Variants in ZBTB25 observed in about 807,000 individuals in gnomAD.
ZBTB25 encodes the protein zinc finger and BTB domain containing 25.
A neutral mutation model predicts 34.2 loss-of-function variants in ZBTB25; 20 were observed. That is an observed-to-expected ratio of 0.58 (90% confidence interval 0.41 to 0.85). The LOEUF is 0.85. ZBTB25 is among the 40% of genes least tolerant of loss of function. The probability of loss-of-function intolerance (pLI) is 0.00; values close to 1 mark genes in which losing one functional copy is unlikely to be tolerated. For synonymous variants in ZBTB25, 175 were observed against 186.4 expected (o/e 0.94, Z 0.50); for missense variants, 437 against 521.8 (o/e 0.84, Z 1.58).
chr14:64,457,429 G>A (rs548755567), intron 2 of ZBTB25, among the ~76,000 whole-genome samples: 1 of 152,020 alleles, frequency 6.6e-6, no homozygotes, highest in South Asian at 2.1e-4. Context: ...GTTTGCAGAA[G>A]GACATGAGGA....
intron 2 of ZBTB25, chr14:64,468,908 C>T: frequency 6.2e-7 from 1 of 1,614,162 alleles, no homozygotes; most frequent in Non-Finnish European, 8.5e-7. Context: ...ATTGAATGAT[C>T]AGGCAACAAA....
At position 64,485,012 on chromosome 14, in the gene ZBTB25, C is replaced by G; in HGVS notation, c.*1911G>C. On this transcript the variant is annotated 3_prime_UTR_variant, in exon 3 of 3. Transcript: ENST00000608382. ...GATCTTATCAAGTTAGATGTGCTCT[C>G]AACACACATCAGTCTTAACCATAGG... 1.0e-6 allele frequency: 1 copy of G among 985,280 alleles called. No homozygotes were observed. Among genetic ancestry groups the G allele is most frequent in the Non-Finnish European group, 1.2e-6 (1 of 829,768 alleles). 61.0% of individuals were successfully genotyped at this position (985,280 alleles called of 1,614,324 possible).
At chr14:64,488,125 T>C in intron 2 of ZBTB25, 68 bp from the exon 3 acceptor site, 7 of 1,546,874 alleles carry the variant, frequency 4.5e-6, no homozygotes, top group African/African-American at 1.4e-5. Flanking sequence ...GTTAACAGTA[T>C]AGTCTGAGAC....
At chr14:64,463,402 G>A (rs1006857929) in intron 2 of ZBTB25, 1 of 152,148 alleles carries the variant, frequency 6.6e-6, no homozygotes, top group Non-Finnish European at 1.5e-5. Flanking sequence ...ATACCTTAAG[G>A]AAGTCTGTCC....
downstream of ZBTB25, among the ~76,000 whole-genome samples, chr14:64,477,291 T>C (rs2078728649): frequency 6.6e-6 from 1 of 152,214 alleles, no homozygotes; most frequent in South Asian, 2.1e-4. Context: ...TTGTGCATTG[T>C]CTGCATGGCC....
chr14:64,450,961 A>G (rs948833972), intron 2 of ZBTB25, among the ~76,000 whole-genome samples: 1 of 152,148 alleles, frequency 6.6e-6, no homozygotes, highest in African/African-American at 2.4e-5. Context: ...TAAGGTCAAG[A>G]GTTGGAGACC....
intron 2 of ZBTB25, among the ~76,000 whole-genome samples, chr14:64,457,834 A>G (rs1251964033): frequency 1.3e-5 from 2 of 152,182 alleles, no homozygotes; most frequent in African/African-American, 2.4e-5. Context: ...TTTATTGACA[A>G]CTATAAAATG....
chr14:64,455,005 T>A, intron 2 of ZBTB25: 1 of 921,040 alleles, frequency 1.1e-6, no homozygotes, highest in African/African-American at 1.6e-5. Context: ...TCGGGCCTAT[T>A]ATGATTGCTG....
intron 2 of ZBTB25, chr14:64,472,649 A>AATTAACTG (rs916219420): frequency 6.0e-6 from 1 of 167,012 alleles, no homozygotes; most frequent in Admixed American, 6.6e-5. Context: ...GGAATTCCGA[A>AATTAACTG]ATTAACTGGT....
chr14:64,470,589 CAAAAAAAAAA>C (rs35363924), intron 2 of ZBTB25: 3,895 of 50,258 alleles, frequency 0.078, 59 homozygotes, highest in Middle Eastern at 0.17. Context: ...GACTCCTTCT[CAAAAAAAAAA>C]AAAAAAAAAA....
intron 2 of ZBTB25, chr14:64,460,227 G>T: frequency 3.1e-6 from 1 of 321,468 alleles, no homozygotes; most frequent in Non-Finnish European, 5.7e-6. Flanking sequence ...GTTGGAAGTT[G>T]ATGACTTACC....
intron 2 of ZBTB25, among the ~76,000 whole-genome samples, chr14:64,490,081 G>T (rs1230256820): frequency 6.7e-6 from 1 of 149,822 alleles, no homozygotes; most frequent in Non-Finnish European, 1.5e-5. Flanking sequence ...GGTGGCAGGC[G>T]CCTGTAATCC....
In ZBTB25 at chr14:64,484,013, A is replaced by C. The variant is rs946949766; in HGVS notation, c.*2910T>G. The C allele has an allele frequency of 6.7e-6, 1 of 149,854 alleles. No individual in the cohort carries two copies. Among genetic ancestry groups the C allele is most frequent in the African/African-American group, 2.5e-5 (1 of 40,636 alleles). 9.3% of individuals were successfully genotyped at this position (149,854 alleles called of 1,614,324 possible). On this transcript the variant is annotated 3_prime_UTR_variant, in exon 3 of 3. Coordinates refer to ENST00000608382, the MANE Select transcript of ZBTB25 (RefSeq NM_006977.5). ...ACAACAATAACAAAAACTGGGGGTCAGTCCCACACCACTATTCACTGCATC... is the reference window on the plus strand; with the variant it reads ...ACAACAATAACAAAAACTGGGGGTCCGTCCCACACCACTATTCACTGCATC...
chr14:64,485,894 G>C lies in ZBTB25; in HGVS notation c.*1029C>G. 1.0e-6 allele frequency: 1 copy of C among 985,354 alleles called. No homozygotes were observed. The highest frequency in any genetic ancestry group is 1.2e-6 in the Non-Finnish European group (1 of 829,910). 61.0% of individuals were successfully genotyped at this position (985,354 alleles called of 1,614,324 possible). ...CAAGTTAACAACCCTGGGGTTTTTAGTCAATGCAGTTCTAGCTCAGTCTCT... is the reference window on the plus strand; with the variant it reads ...CAAGTTAACAACCCTGGGGTTTTTACTCAATGCAGTTCTAGCTCAGTCTCT... On this transcript the variant is annotated 3_prime_UTR_variant, in exon 3 of 3. Coordinates refer to ENST00000608382, the MANE Select transcript of ZBTB25 (RefSeq NM_006977.5).
At chr14:64,504,016 A>G (rs2079590652), upstream of ZBTB25, 1 of 152,246 alleles carries the variant, frequency 6.6e-6, no homozygotes, top group African/African-American at 2.4e-5. Context: ...CAGGCTCCCC[A>G]CAAACAACCG....
At chr14:64,454,884 A>G (rs2078441021) in intron 2 of ZBTB25, 4 of 1,614,060 alleles carry the variant, frequency 2.5e-6, no homozygotes, top group Non-Finnish European at 3.4e-6. Context: ...CGGTAAGTGC[A>G]TGCTGCAAGG....
intron 1 of ZBTB25, among the ~76,000 whole-genome samples, chr14:64,493,368 T>C (rs1464279895): frequency 6.6e-6 from 1 of 152,232 alleles, no homozygotes; most frequent in Non-Finnish European, 1.5e-5. Context: ...TTATAAAATA[T>C]GGACAATGAC....
At chr14:64,463,495 G>C (rs1370626417) in intron 2 of ZBTB25, 2 of 151,926 alleles carry the variant, frequency 1.3e-5, no homozygotes, top group Non-Finnish European at 2.9e-5. Context: ...TTGTTTAAAA[G>C]AAAGGCAAGT....
chr14:64,455,697 A>C (rs1239158655), intron 2 of ZBTB25, among the ~76,000 whole-genome samples: 1 of 152,236 alleles, frequency 6.6e-6, no homozygotes, highest in East Asian at 1.9e-4. Flanking sequence ...TCATTCTTTC[A>C]GTATAGTAAG....
Sources: allele counts gnomAD v4.1 joint callset (sites outside exome capture counted in the v4.1 genomes callset), GRCh38; gene constraint gnomAD v4.1.1; transcripts MANE v1.5; gene names NCBI Gene and HGNC (gene_info 2026-07-23, HGNC 2026-07-21).